Variants in CLEC7A observed in about 807,000 individuals in gnomAD.
CLEC7A encodes the protein C-type lectin domain family 7 member A.
In CLEC7A, 25 loss-of-function variants were observed where a neutral mutation model predicts 26.9. The observed-to-expected ratio is 0.93, with a 90% CI of 0.68 to 1.30. The LOEUF is 1.30. Ranked by LOEUF, CLEC7A falls within the 50% of genes most tolerant of loss-of-function variation. CLEC7A has a pLI of 0.00. For missense variants in CLEC7A, 275 were observed against 286.7 expected, an observed-to-expected ratio of 0.96 and a Z score of 0.29; for synonymous variants, 100 against 99.5, an observed-to-expected ratio of 1.01 and a Z score of -0.03.
intron 1 of CLEC7A, among the ~76,000 whole-genome samples, chr12:10,128,332 G>A (rs1348200623): frequency 6.6e-6 from 1 of 151,828 alleles, no homozygotes; most frequent in African/African-American, 2.4e-5. Context: ...CCTAGGATTT[G>A]CTGTGCTTCT....
intron 4 of CLEC7A, among the ~76,000 whole-genome samples, chr12:10,123,860 CTTAT>C (rs1212062934): frequency 6.6e-6 from 1 of 151,500 alleles, no homozygotes; most frequent in East Asian, 1.9e-4. Flanking sequence ...AAAGGCCTAT[CTTAT>C]TTATTTAAAG....
intron 2 of CLEC7A, 134 bp downstream of exon 2, chr12:10,127,613 A>G: frequency 4.3e-6 from 4 of 921,538 alleles, no homozygotes; most frequent in South Asian, 4.1e-5. Flanking sequence ...TAACAGCACC[A>G]ACCCAATACA....
At chr12:10,128,235 CA>C (rs1948369042) in intron 1 of CLEC7A, among the ~76,000 whole-genome samples, 5 of 144,602 alleles carry the variant, frequency 3.5e-5, no homozygotes, top group South Asian at 4.2e-4. Flanking sequence ...CACACACACA[CA>C]CACACACACA....
rs1202040158 is a variant in CLEC7A, at chr12:10,126,586, C to T, written c.325G>A (p.Ala109Thr). 3 of 1,607,272 alleles carry T rather than the reference C, an allele frequency of 1.9e-6. No individual in the cohort carries two copies. Among genetic ancestry groups the T allele is most frequent in the Non-Finnish European group, 2.5e-6 (3 of 1,177,012 alleles). Residue 109 changes from alanine (A) to threonine (T), a missense_variant, in exon 3 of 6, where the codon GCT becomes ACT. Physicochemically the swap from Ala to Thr is moderately conservative, Grantham distance 58. Coordinates refer to ENST00000304084, the MANE Select transcript of CLEC7A (RefSeq NM_197947.3). ...ATGCCCTTGCCTGTGGTTTTGACAG[C>T]TTTGGTAGGAGTCACACTGTCTTCT... ...SLEDSVTPTKAVKTTGVLSSP... is the reference protein window; with the variant it reads ...SLEDSVTPTKTVKTTGVLSSP...
At chr12:10,122,734 G>A (rs527881520) in intron 5 of CLEC7A, among the ~76,000 whole-genome samples, 326 of 152,032 alleles carry the variant, frequency 2.1e-3, no homozygotes, top group South Asian at 7.1e-3. Context: ...CAAGTGATCC[G>A]CCCACCTGGG....
chr12:10,128,804 A>G (rs928554587), intron 1 of CLEC7A, among the ~76,000 whole-genome samples: 2 of 152,196 alleles, frequency 1.3e-5, no homozygotes, highest in Non-Finnish European at 2.9e-5. Context: ...CGCTTCCTCA[A>G]TAGGTTGCCC....
intron 5 of CLEC7A, among the ~76,000 whole-genome samples, chr12:10,119,704 C>A (rs1948016749): frequency 1.3e-5 from 2 of 151,988 alleles, no homozygotes; most frequent in East Asian, 1.9e-4. Flanking sequence ...GGTGAACAGA[C>A]CTGGTGGTGA....
In CLEC7A at chr12:10,117,166, T is replaced by C. The variant is rs1432989895; in HGVS notation, c.*1292A>G. The C allele has an allele frequency of 6.6e-6, 1 of 152,246 alleles. No homozygotes were observed. The highest frequency in any genetic ancestry group is 1.5e-5 in the Non-Finnish European group (1 of 68,040). The allele number at this position is 152,246 out of a possible 1,614,324, so 9.4% of individuals were successfully genotyped here. On this transcript the variant is annotated 3_prime_UTR_variant, in exon 6 of 6. Transcript: ENST00000304084. ...TATTCATCATCAGATTTTATGTATTTTTATGTATTTTTGTATTTAAAAAGC... is the reference window on the plus strand; with the variant it reads ...TATTCATCATCAGATTTTATGTATTCTTATGTATTTTTGTATTTAAAAAGC...
chr12:10,127,242 G>A (rs1429237902), intron 2 of CLEC7A: 2 of 1,357,114 alleles, frequency 1.5e-6, no homozygotes, highest in African/African-American at 2.9e-5. Context: ...AAGTGCCTCA[G>A]GAAATTTCTG....
Position 10,130,121 on chromosome 12 carries a change from G to T in CLEC7A, c.-39C>A. On this transcript the variant is annotated 5_prime_UTR_variant, in exon 1 of 6. Transcript: ENST00000304084. ...CCCTGAATAGATATAGCATTTGGGA[G>T]CTCTTTTCTTTCTGCTCCTGAGATG... is the stretch of plus-strand genomic sequence containing the variant. 9.8e-7 allele frequency: 1 copy of T among 1,020,424 alleles called. No homozygotes were observed. Among genetic ancestry groups the T allele is most frequent in the Non-Finnish European group, 1.5e-6 (1 of 655,748 alleles). The allele number at this position is 1,020,424 out of a possible 1,614,324, so 63.2% of individuals were successfully genotyped here.
chr12:10,128,244 A>AC (rs1555083059), intron 1 of CLEC7A, among the ~76,000 whole-genome samples: 92 of 89,984 alleles, frequency 1.0e-3, no homozygotes, highest in African/African-American at 3.7e-3. Context: ...ACACACACAC[A>AC]CACCACCAAC....
chr12:10,126,759 T>C (rs1407621571), intron 2 of CLEC7A, 51 bp from the exon 3 acceptor site: 1 of 1,475,922 alleles, frequency 6.8e-7, no homozygotes, highest in Admixed American at 2.2e-5. Context: ...CATTCTGCTG[T>C]GTTTGAAAAT....
chr12:10,129,359 G>T (rs1348905563), intron 1 of CLEC7A, among the ~76,000 whole-genome samples: 1 of 151,998 alleles, frequency 6.6e-6, no homozygotes, highest in African/African-American at 2.4e-5. Flanking sequence ...CTTTATCTTT[G>T]TGTATTATCC....
At chr12:10,127,579 A>G (rs759869605) in intron 2 of CLEC7A, 168 bp downstream of exon 2, 2 of 977,294 alleles carry the variant, frequency 2.0e-6, no homozygotes, top group Middle Eastern at 2.1e-4. Context: ...AGTCTCTCAC[A>G]CCCTTTATAA....
At chr12:10,121,863 C>G (rs968876541) in intron 5 of CLEC7A, among the ~76,000 whole-genome samples, 2 of 152,008 alleles carry the variant, frequency 1.3e-5, no homozygotes, top group Non-Finnish European at 2.9e-5. Context: ...AAAAAATTAG[C>G]CGGGCATGGT....
intron 5 of CLEC7A, among the ~76,000 whole-genome samples, chr12:10,121,265 C>A (rs1591944851): frequency 6.8e-6 from 1 of 146,336 alleles, no homozygotes; most frequent in Non-Finnish European, 1.5e-5. Context: ...AGAGCACATT[C>A]CAAATGAACA....
chr12:10,129,771 C>T (rs571175482), intron 1 of CLEC7A, among the ~76,000 whole-genome samples: 76 of 152,214 alleles, frequency 5.0e-4, no homozygotes, highest in Middle Eastern at 3.4e-3. Flanking sequence ...GCGTGCACCA[C>T]CATGCCCGGC....
intron 5 of CLEC7A, among the ~76,000 whole-genome samples, chr12:10,119,068 T>C (rs1217314141): frequency 6.6e-6 from 1 of 152,220 alleles, no homozygotes; most frequent in African/African-American, 2.4e-5. Flanking sequence ...CAAACAACTC[T>C]GTATATTTTA....
intron 3 of CLEC7A, 137 bp downstream of exon 3, chr12:10,126,434 G>A (rs1948286098): frequency 1.4e-5 from 20 of 1,429,290 alleles, no homozygotes; most frequent in Middle Eastern, 1.9e-4. Context: ...TTACACTAAG[G>A]TAATACTAAT....
Sources: gnomAD v4.1 joint callset for allele counts (sites outside exome capture counted in the v4.1 genomes callset) on GRCh38, gnomAD v4.1.1 for gene constraint, MANE v1.5 for transcripts, NCBI Gene and HGNC (gene_info 2026-07-23, HGNC 2026-07-21) for gene names.